The following DYNC2LI1 variants were observed in gnomAD, a reference collection of about 807,000 sequenced individuals.
The protein encoded by DYNC2LI1 is cytoplasmic dynein 2 light intermediate chain 1.
DYNC2LI1 carries 45 observed loss-of-function variants against 51.9 expected under a neutral mutation model. The ratio of observed to expected loss-of-function variants is 0.87; its 90% CI spans 0.68 to 1.11. DYNC2LI1 has a LOEUF of 1.11. Ranked by LOEUF, DYNC2LI1 falls within the 50% of genes most tolerant of loss-of-function variation. The pLI, the probability that DYNC2LI1 is intolerant of heterozygous loss-of-function variation, is 0.00. For missense variants in DYNC2LI1, 490 were observed against 417.4 expected, an observed-to-expected ratio of 1.17 and a Z score of -1.51; for synonymous variants, 130 against 137.8, an observed-to-expected ratio of 0.94 and a Z score of 0.40.
chr2:43,820,469 TAATGTTA>T, the DYNC2LI1 span, among the ~76,000 whole-genome samples: 232 of 152,280 alleles, frequency 1.5e-3, 3 homozygotes, highest in Admixed American at 9.6e-3. Context: ...CACACCTACC[TAATGTTA>T]AAGGGCTCAC....
chr2:43,779,936 A>G (rs4953013), intron 2 of DYNC2LI1, among the ~76,000 whole-genome samples: 65,489 of 152,094 alleles, frequency 0.43, 15,997 homozygotes, highest in African/African-American at 0.67. Context: ...TACCTGGGGC[A>G]GTCTTTGCTG....
At chr2:43,816,419 T>C in the DYNC2LI1 span, among the ~76,000 whole-genome samples, 1 of 149,164 alleles carries the variant, frequency 6.7e-6, no homozygotes, top group South Asian at 2.2e-4. Context: ...ACCAACAGAC[T>C]TTGTGCAGGT....
chr2:43,813,709 G>C (rs531043156), downstream of DYNC2LI1, among the ~76,000 whole-genome samples: 33 of 34,064 alleles, frequency 9.7e-4, no homozygotes, highest in Non-Finnish European at 1.4e-3. Context: ...TTTTTTTTTC[G>C]TTTTTTTTTT....
chr2:43,788,965 T>G (rs1013259264), intron 4 of DYNC2LI1, among the ~76,000 whole-genome samples: 1 of 152,226 alleles, frequency 6.6e-6, no homozygotes, highest in African/African-American at 2.4e-5. Flanking sequence ...ACTTCTTGGC[T>G]GCCTAGCCCT....
chr2:43,781,616 T>G (rs1673287488), intron 2 of DYNC2LI1: 2 of 150,784 alleles, frequency 1.3e-5, no homozygotes, highest in African/African-American at 4.9e-5. Flanking sequence ...TCTTTTTTTT[T>G]TTTTGAGACA....
At chr2:43,817,476 G>C in the DYNC2LI1 span, among the ~76,000 whole-genome samples, 1 of 150,100 alleles carries the variant, frequency 6.7e-6, no homozygotes, top group Non-Finnish European at 1.5e-5. Context: ...CAGAGTGAGT[G>C]AGACTCTGCG....
At chr2:43,778,746 G>C (rs1040998246) in intron 2 of DYNC2LI1, among the ~76,000 whole-genome samples, 1 of 152,054 alleles carries the variant, frequency 6.6e-6, no homozygotes, top group Non-Finnish European at 1.5e-5. Flanking sequence ...AGCGCTCTCT[G>C]TAACAGTTAT....
intron 2 of DYNC2LI1, among the ~76,000 whole-genome samples, chr2:43,780,213 A>T (rs1308935103): frequency 9.2e-5 from 14 of 152,330 alleles, no homozygotes; most frequent in Non-Finnish European, 1.0e-4. Context: ...TTTTGGAAGC[A>T]GTGCAGTTTC....
chr2:43,794,652 C>T lies in DYNC2LI1; in HGVS notation c.507+9C>T, dbSNP rs1251481602. 6.2e-7 allele frequency: 1 copy of T among 1,613,868 alleles called. No individual in the cohort carries two copies. The highest frequency in any genetic ancestry group is 1.3e-5 in the African/African-American group (1 of 74,906). The stretch of plus-strand genomic sequence containing the variant: ...TGCCGAAGGATCATCCTGTGAGTTG[C>T]TGTTTGGGATTATTACTGGAATCCT... On this transcript the variant is annotated intron_variant, in intron 6 of 12. Transcript: ENST00000260605.
At chr2:43,826,957 A>G in the DYNC2LI1 span, among the ~76,000 whole-genome samples, 1 of 152,246 alleles carries the variant, frequency 6.6e-6, no homozygotes, top group Admixed American at 6.5e-5. Flanking sequence ...AAATCTGACG[A>G]ATAAAACAAG....
chr2:43,781,172 G>A (rs1276382579), intron 2 of DYNC2LI1, among the ~76,000 whole-genome samples: 1 of 152,020 alleles, frequency 6.6e-6, no homozygotes, highest in Non-Finnish European at 1.5e-5. Context: ...TTCAAGACCA[G>A]CCTGACCAAC....
intron 2 of DYNC2LI1, among the ~76,000 whole-genome samples, chr2:43,780,877 G>C (rs1673249610): frequency 6.6e-6 from 1 of 152,036 alleles, no homozygotes; most frequent in Non-Finnish European, 1.5e-5. Flanking sequence ...ACTTGTACTA[G>C]GTCAATGTTT....
chr2:43,814,746 A>G (rs1464418269), downstream of DYNC2LI1, among the ~76,000 whole-genome samples: 1 of 152,212 alleles, frequency 6.6e-6, no homozygotes, highest in Non-Finnish European at 1.5e-5. Context: ...TTCAAACAAC[A>G]TTGAACAATA....
intron 9 of DYNC2LI1, 42 bp from the exon 10 acceptor site, chr2:43,801,597 T>C: frequency 1.3e-6 from 2 of 1,487,894 alleles, no homozygotes; most frequent in Admixed American, 1.7e-5. Flanking sequence ...GCAGCAAATC[T>C]AATTGCTAAA....
chr2:43,823,052 G>C, the DYNC2LI1 span: 1 of 1,420,696 alleles, frequency 7.0e-7, no homozygotes, highest in East Asian at 2.5e-5. Context: ...CAGCTAGGGG[G>C]GTTCCCTAGT....
chr2:43,812,562 C>T (rs1666537896), downstream of DYNC2LI1: 1 of 158,332 alleles, frequency 6.3e-6, no homozygotes, highest in African/African-American at 2.4e-5. Flanking sequence ...CATCCATCTG[C>T]CCAGCACTCT....
chr2:43,819,817 A>G, the DYNC2LI1 span: 1 of 1,305,486 alleles, frequency 7.7e-7, no homozygotes, highest in African/African-American at 1.5e-5. Context: ...ATCCATAACC[A>G]CTATCAGTTC....
the DYNC2LI1 span, chr2:43,828,067 G>T: frequency 6.2e-7 from 1 of 1,614,108 alleles, no homozygotes; most frequent in South Asian, 1.1e-5. Flanking sequence ...TTGCCAATCA[G>T]TCGGTCTGCC....
chr2:43,794,438 A>G lies in DYNC2LI1; in HGVS notation c.321-19A>G. On this transcript the variant is annotated intron_variant, in intron 5 of 12. Coordinates refer to ENST00000260605, the MANE Select transcript of DYNC2LI1 (RefSeq NM_016008.4). ...TAATTATTTTGAGTCTTTTTTGAAAAGTGTTTTTATTTCTTTAGGACGTTT... is the reference window on the plus strand; with the variant it reads ...TAATTATTTTGAGTCTTTTTTGAAAGGTGTTTTTATTTCTTTAGGACGTTT... 6.3e-7 allele frequency: 1 copy of G among 1,579,106 alleles called. No individual in the cohort carries two copies. Among genetic ancestry groups the G allele is most frequent in the East Asian group, 2.2e-5 (1 of 44,482 alleles).
Sources: allele counts gnomAD v4.1 joint callset (sites outside exome capture counted in the v4.1 genomes callset), GRCh38; gene constraint gnomAD v4.1.1; transcripts MANE v1.5; gene names NCBI Gene and HGNC (gene_info 2026-07-23, HGNC 2026-07-21).